PHACTR1: variants seen among roughly 807,000 people sequenced by gnomAD.
PHACTR1 encodes RPEL repeat containing 1.
In PHACTR1, 16 loss-of-function variants were observed where a neutral mutation model predicts 69.2. The ratio of observed to expected loss-of-function variants is 0.23; its 90% CI spans 0.16 to 0.35. The LOEUF is 0.35. PHACTR1 is among the 10% of genes least tolerant of loss of function. PHACTR1 has a pLI of 1.00. For synonymous variants in PHACTR1, 312 were observed against 284.5 expected (o/e 1.10, Z -0.97); for missense variants, 510 against 734.7 (o/e 0.69, Z 3.54).
chr6:13,108,227 C>A (rs116357972), intron 5 of PHACTR1, among the ~76,000 whole-genome samples: 1 of 151,976 alleles, frequency 6.6e-6, no homozygotes, highest in Non-Finnish European at 1.5e-5. Context: ...AATTTCATTG[C>A]AGTCATAGAA....
intron 3 of PHACTR1, among the ~76,000 whole-genome samples, chr6:12,724,830 C>T (rs1477489268): frequency 6.6e-6 from 1 of 152,150 alleles, no homozygotes; most frequent in Non-Finnish European, 1.5e-5. Context: ...TCTCAAAAAC[C>T]ATCAATATAC....
rs145221858 is a variant in PHACTR1, at chr6:12,846,709, T to C, written c.250+96919T>C. On this transcript the variant is annotated intron_variant, in intron 4 of 14. Transcript: ENST00000332995. The stretch of plus-strand genomic sequence containing the variant: ...ATGTATAACATCATCACCTTAATAA[T>C]TAATGCTTCTTTCGTCCTTTTTTTT... Among the ~76,000 whole-genome samples, 29 of 151,504 alleles carry C rather than the reference T, an allele frequency of 1.9e-4. No homozygotes were observed. The East Asian group carries it at 5.0e-3, about 26-fold the overall frequency.
chr6:13,249,624 C>A (rs749580016), intron 10 of PHACTR1, among the ~76,000 whole-genome samples: 12 of 151,930 alleles, frequency 7.9e-5, no homozygotes, highest in Non-Finnish European at 1.6e-4. Context: ...CATGGTGAAA[C>A]CTCATGTCTA....
intron 4 of PHACTR1, among the ~76,000 whole-genome samples, chr6:12,850,484 A>C (rs1018800824): frequency 2.0e-5 from 3 of 152,136 alleles, no homozygotes; most frequent in Non-Finnish European, 4.4e-5. Context: ...CTTCTTCATC[A>C]TTTGTTCTCA....
chr6:13,221,655 C>CT (rs1449599011), intron 8 of PHACTR1, among the ~76,000 whole-genome samples: 1 of 152,204 alleles, frequency 6.6e-6, no homozygotes, highest in Non-Finnish European at 1.5e-5. Flanking sequence ...TCTTAGGATC[C>CT]TTGTGAGGCT....
chr6:13,227,101 A>G (rs183190296), intron 8 of PHACTR1, among the ~76,000 whole-genome samples: 1 of 152,330 alleles, frequency 6.6e-6, no homozygotes, highest in East Asian at 1.9e-4. Context: ...GTAGAACCAA[A>G]AACATCATCC....
In PHACTR1 at chr6:13,196,022, C is replaced by T. The variant is rs562635836; in HGVS notation, c.665-9793C>T. On this transcript the variant is annotated intron_variant, in intron 7 of 14. Transcript: ENST00000332995. ...ATTTTCCTTGTTCTCTGGAACTGGTCGTTTTTGCTTCTTCCACTCCATCAA... is the reference window on the plus strand; with the variant it reads ...ATTTTCCTTGTTCTCTGGAACTGGTTGTTTTTGCTTCTTCCACTCCATCAA... 4.6e-5 allele frequency among the ~76,000 whole-genome samples: 7 copies of T among 152,144 alleles called. No homozygotes were observed. The East Asian group carries it at 9.7e-4, about 21-fold the overall frequency.
chr6:13,286,885 C>A (rs1201699913), intron 14 of PHACTR1, among the ~76,000 whole-genome samples, 178 bp from the exon 15 acceptor site: 5 of 152,130 alleles, frequency 3.3e-5, no homozygotes, highest in Non-Finnish European at 5.9e-5. Context: ...ACCAGGGCTG[C>A]CCCAGATGAA....
chr6:13,018,972 T>C (rs1470399873), intron 4 of PHACTR1, among the ~76,000 whole-genome samples: 2 of 151,984 alleles, frequency 1.3e-5, no homozygotes, highest in South Asian at 2.1e-4. Context: ...TCCCACCTGG[T>C]ATCTGGGACT....
At chr6:12,792,536 G>A (rs1431940060) in intron 4 of PHACTR1, among the ~76,000 whole-genome samples, 1 of 137,154 alleles carries the variant, frequency 7.3e-6, no homozygotes, top group Non-Finnish European at 1.6e-5. Context: ...AATATATAGA[G>A]TGGTTTTATT....
intron 7 of PHACTR1, among the ~76,000 whole-genome samples, chr6:13,193,498 C>A (rs780409035): frequency 1.3e-5 from 2 of 148,754 alleles, no homozygotes; most frequent in Non-Finnish European, 3.0e-5. Context: ...ATGATCATCC[C>A]ACCTCAGCCT....
At chr6:13,039,919 A>T (rs1803896618) in intron 4 of PHACTR1, among the ~76,000 whole-genome samples, 1 of 152,224 alleles carries the variant, frequency 6.6e-6, no homozygotes, top group South Asian at 2.1e-4. Flanking sequence ...TTGACCCCAG[A>T]AACAGATGAT....
rs149093758 is a variant in PHACTR1, at chr6:12,882,050, G to A, written c.250+132260G>A. Among the ~76,000 whole-genome samples the A allele has an allele frequency of 9.9e-4, 151 of 152,224 alleles. No individual in the cohort carries two copies. In the Middle Eastern group the frequency reaches 0.01, roughly 10 times the overall value. On this transcript the variant is annotated intron_variant, in intron 4 of 14. Coordinates refer to ENST00000332995, the MANE Select transcript of PHACTR1 (RefSeq NM_030948.6). ...TGCAGGAGAATTAAAGACAATGAAC[G>A]ATAAGAACAGGGCATTTGACTGGGG...
intron 4 of PHACTR1, among the ~76,000 whole-genome samples, chr6:12,842,270 G>A (rs1778773484): frequency 6.6e-6 from 1 of 152,088 alleles, no homozygotes; most frequent in Non-Finnish European, 1.5e-5. Context: ...ATAATTTCAT[G>A]ACTCATGAGT....
chr6:13,224,483 G>A (rs765869438), intron 8 of PHACTR1, among the ~76,000 whole-genome samples: 4 of 152,208 alleles, frequency 2.6e-5, no homozygotes, highest in African/African-American at 4.8e-5. Flanking sequence ...TATGTAGGGT[G>A]TGGCAGGCAC....
At chr6:12,902,692 G>A (rs776234789) in intron 4 of PHACTR1, among the ~76,000 whole-genome samples, 3 of 152,084 alleles carry the variant, frequency 2.0e-5, no homozygotes, top group Non-Finnish European at 4.4e-5. Flanking sequence ...TTGAATGTTC[G>A]ATTGCTCCAT....
intron 4 of PHACTR1, among the ~76,000 whole-genome samples, chr6:12,997,322 AAATAT>A (rs1264500185): frequency 6.8e-6 from 1 of 147,904 alleles, no homozygotes; most frequent in Non-Finnish European, 1.5e-5. Flanking sequence ...ATGTATAAGT[AAATAT>A]ATTTTATATA....
At chr6:12,995,828 T>C (rs1299794831) in intron 4 of PHACTR1, among the ~76,000 whole-genome samples, 1 of 152,092 alleles carries the variant, frequency 6.6e-6, no homozygotes, top group Non-Finnish European at 1.5e-5. Flanking sequence ...CAGTAACTTA[T>C]ACATTAGTTA....
chr6:12,975,027 A>G (rs1392005962), intron 4 of PHACTR1, among the ~76,000 whole-genome samples: 2 of 152,168 alleles, frequency 1.3e-5, no homozygotes, highest in Non-Finnish European at 2.9e-5. Flanking sequence ...CCTCTGTACA[A>G]TTGTAGATGT....
Sources: allele counts gnomAD v4.1 joint callset (sites outside exome capture counted in the v4.1 genomes callset), GRCh38; gene constraint gnomAD v4.1.1; transcripts MANE v1.5; gene names NCBI Gene and HGNC (gene_info 2026-07-23, HGNC 2026-07-21).